The following DYSF variants were observed in gnomAD, a reference collection of about 807,000 sequenced individuals.
The protein encoded by DYSF is dystrophy-associated fer-1-like 1.
In DYSF, 212 loss-of-function variants were observed where a neutral mutation model predicts 274.9. That is an observed-to-expected ratio of 0.77 (90% CI 0.69 to 0.86). The LOEUF (loss-of-function observed/expected upper bound fraction) is 0.86, where lower values mean the gene tolerates loss of function less well. Among genes scored for constraint, DYSF ranks in the 40% least tolerant of loss-of-function variants. The probability of loss-of-function intolerance (pLI) is 0.00; values close to 1 mark genes in which losing one functional copy is unlikely to be tolerated. For missense variants in DYSF, 2,666 were observed against 2,783.2 expected (o/e 0.96, Z 0.95); for synonymous variants, 1,091 against 1,078.7 (o/e 1.01, Z -0.22).
chr2:71,515,950 CCCTGTCACCCTATAGGG>C (rs1363757100), intron 8 of DYSF, among the ~76,000 whole-genome samples, 199 bp downstream of exon 8: 1 of 152,208 alleles, frequency 6.6e-6, no homozygotes, highest in African/African-American at 2.4e-5. Flanking sequence ...TGCTCCACAT[CCCTGTCACCCTATAGGG>C]CCAGCCACCC....
intron 7 of DYSF, among the ~76,000 whole-genome samples, chr2:71,514,918 C>T (rs1423480089): frequency 6.6e-6 from 1 of 151,718 alleles, no homozygotes; most frequent in Non-Finnish European, 1.5e-5. Context: ...AAAAATCACT[C>T]ATCCATCTTC....
rs191218912 is a variant in DYSF at position 71,594,716 on chromosome 2, C to T, written c.3575-3848C>T. On this transcript the variant is annotated intron_variant, in intron 32 of 55. Coordinates refer to ENST00000410020, the MANE Select transcript of DYSF (RefSeq NM_001130987.2). Reference sequence around the variant, plus strand: ...AAGTCTTTGGTGTGTTTACCCTTGCCATGCTTGCGCCTGGAATGCCCCCTT... The same window carrying T: ...AAGTCTTTGGTGTGTTTACCCTTGCTATGCTTGCGCCTGGAATGCCCCCTT... Among the ~76,000 whole-genome samples the T allele has an allele frequency of 3.9e-5, 6 of 152,314 alleles. No individual in the cohort carries two copies. The East Asian group carries it at 9.7e-4, about 25-fold the overall frequency.
At chr2:71,464,232 T>C (rs373737914), upstream of DYSF, among the ~76,000 whole-genome samples, 208 of 152,214 alleles carry the variant, frequency 1.4e-3, no homozygotes, top group Non-Finnish European at 2.6e-3. Context: ...TTTCAGTCCA[T>C]CATTTAGAAA....
At chr2:71,577,611 C>T (rs2092753035) in intron 30 of DYSF, among the ~76,000 whole-genome samples, 1 of 151,962 alleles carries the variant, frequency 6.6e-6, no homozygotes, top group Non-Finnish European at 1.5e-5. Context: ...CATAGACACA[C>T]ACACATTCTG....
intron 12 of DYSF, 128 bp from the exon 13 acceptor site, chr2:71,526,092 T>TG: frequency 6.5e-7 from 1 of 1,537,144 alleles, no homozygotes; most frequent in East Asian, 2.3e-5. Flanking sequence ...CGGTAGTAAG[T>TG]GTCGGAGCGC....
At chr2:71,667,019 G>T (rs1307885508) in intron 47 of DYSF, among the ~76,000 whole-genome samples, 1 of 152,208 alleles carries the variant, frequency 6.6e-6, no homozygotes, top group African/African-American at 2.4e-5. Flanking sequence ...TAGGAGTAAA[G>T]GTTGCTGAGG....
At chr2:71,667,731 G>A (rs939473117) in intron 48 of DYSF, among the ~76,000 whole-genome samples, 4 of 152,168 alleles carry the variant, frequency 2.6e-5, no homozygotes, top group African/African-American at 9.7e-5. Flanking sequence ...CTCAGGGCCT[G>A]CGAAACGAGG....
intron 41 of DYSF, among the ~76,000 whole-genome samples, chr2:71,640,609 G>C (rs1464412309): frequency 2.6e-5 from 4 of 152,142 alleles, no homozygotes; most frequent in African/African-American, 9.7e-5. Context: ...TTCCTCTCCT[G>C]ACTCACTGAT....
chr2:71,496,520 C>T (rs143631342), intron 3 of DYSF, among the ~76,000 whole-genome samples: 6 of 152,272 alleles, frequency 3.9e-5, no homozygotes, highest in African/African-American at 1.4e-4. Flanking sequence ...TCTGGGCACA[C>T]TTACACGTAG....
At chr2:71,513,213 CG>C (rs1287763997) in intron 5 of DYSF, 26 bp from the exon 6 acceptor site, 3 of 1,550,774 alleles carry the variant, frequency 1.9e-6, no homozygotes, top group Non-Finnish European at 2.6e-6. Flanking sequence ...CCTCCCCTCC[CG>C]GGGTTATGCC....
At chr2:71,589,252 G>C (rs895772315) in intron 30 of DYSF, among the ~76,000 whole-genome samples, 1 of 152,196 alleles carries the variant, frequency 6.6e-6, no homozygotes, top group African/African-American at 2.4e-5. Flanking sequence ...CACTGGACTT[G>C]TCCCTAGTGG....
chr2:71,497,696 T>G (rs557826152), intron 3 of DYSF, among the ~76,000 whole-genome samples: 80 of 152,282 alleles, frequency 5.3e-4, no homozygotes, highest in African/African-American at 1.9e-3. Context: ...CATGGCCCAA[T>G]AATGAGATGA....
At chr2:71,620,222 G>A (rs1037481329) in intron 40 of DYSF, among the ~76,000 whole-genome samples, 1 of 152,224 alleles carries the variant, frequency 6.6e-6, no homozygotes, top group Non-Finnish European at 1.5e-5. Flanking sequence ...CAAGAGTCAG[G>A]CATTGGCTGA....
chr2:71,501,483 A>T (rs2084965444), intron 3 of DYSF, among the ~76,000 whole-genome samples: 1 of 152,228 alleles, frequency 6.6e-6, no homozygotes, highest in Admixed American at 6.5e-5. Context: ...CGTTACATGC[A>T]TTCATGATGT....
chr2:71,470,281 G>C (rs374246522), intron 1 of DYSF, among the ~76,000 whole-genome samples: 372 of 152,262 alleles, frequency 2.4e-3, no homozygotes, highest in African/African-American at 8.5e-3. Context: ...GATTCCTGTC[G>C]TCAGGGAACA....
intron 4 of DYSF, among the ~76,000 whole-genome samples, chr2:71,508,815 C>T (rs1174137201): frequency 6.6e-6 from 1 of 152,180 alleles, no homozygotes; most frequent in Non-Finnish European, 1.5e-5. Flanking sequence ...TGTCATCTAA[C>T]CTTTACCCGT....
At chr2:71,643,910 A>T in intron 41 of DYSF, 55 bp from the exon 42 acceptor site, 1 of 1,420,306 alleles carries the variant, frequency 7.0e-7, no homozygotes, top group Non-Finnish European at 9.8e-7. Flanking sequence ...ACTCTGAAGA[A>T]TGCTGCTTGG....
chr2:71,568,673 G>C (rs2152812006), intron 26 of DYSF, among the ~76,000 whole-genome samples: 1 of 151,756 alleles, frequency 6.6e-6, no homozygotes, highest in South Asian at 2.1e-4. Context: ...TGATCCTCCT[G>C]CTCCTGCCTT....
chr2:71,454,906 C>T (rs577608042), intron 1 of DYSF, among the ~76,000 whole-genome samples: 1 of 152,158 alleles, frequency 6.6e-6, no homozygotes, highest in Non-Finnish European at 1.5e-5. Context: ...ATCTACACAG[C>T]TGGGTCTTTG....
Sources: allele counts gnomAD v4.1 joint callset (sites outside exome capture counted in the v4.1 genomes callset), GRCh38; gene constraint gnomAD v4.1.1; transcripts MANE v1.5; gene names NCBI Gene and HGNC (gene_info 2026-07-23, HGNC 2026-07-21).